Variants in CTNNA2 observed in about 807,000 individuals in gnomAD.
CTNNA2 encodes catenin alpha-2.
CTNNA2 carries 42 observed loss-of-function variants against 101.0 expected under a neutral mutation model. That is an observed-to-expected ratio of 0.42 (90% CI 0.32 to 0.54). The LOEUF is 0.54. Among genes scored for constraint, CTNNA2 ranks in the 20% least tolerant of loss-of-function variants. The pLI is 0.14. For synonymous variants in CTNNA2, 450 were observed against 456.4 expected (o/e 0.99, Z 0.18); for missense variants, 871 against 1,223.1 (o/e 0.71, Z 4.29).
chr2:79,455,908 C>T (rs904540573), intron 4 of CTNNA2, among the ~76,000 whole-genome samples: 2 of 151,996 alleles, frequency 1.3e-5, no homozygotes, highest in Non-Finnish European at 2.9e-5. Flanking sequence ...GGGATAATAT[C>T]CAGGACATTA....
intron 11 of CTNNA2, among the ~76,000 whole-genome samples, chr2:80,551,529 A>G (rs975178400): frequency 2.0e-5 from 3 of 152,244 alleles, no homozygotes; most frequent in Non-Finnish European, 2.9e-5. Context: ...GGTTCTATCT[A>G]CATCAGCACT....
chr2:80,350,379 A>G (rs1398806793), intron 7 of CTNNA2, among the ~76,000 whole-genome samples: 2 of 152,194 alleles, frequency 1.3e-5, no homozygotes, highest in Admixed American at 6.5e-5. Context: ...AAACTGTGCC[A>G]TCATTTAGAT....
intron 5 of CTNNA2, among the ~76,000 whole-genome samples, chr2:79,873,798 A>G (rs1207949646): frequency 6.6e-6 from 1 of 151,696 alleles, no homozygotes; most frequent in Non-Finnish European, 1.5e-5. Context: ...GCCACTTAAG[A>G]GGTTGAAGAG....
chr2:79,919,485 A>G (rs1686503362), intron 7 of CTNNA2, among the ~76,000 whole-genome samples: 2 of 152,178 alleles, frequency 1.3e-5, no homozygotes, highest in South Asian at 2.1e-4. Flanking sequence ...TGAGAGAGGA[A>G]AGGGCTTTCT....
chr2:79,669,870 C>T (rs192525394), intron 2 of CTNNA2, among the ~76,000 whole-genome samples: 30 of 152,266 alleles, frequency 2.0e-4, no homozygotes, highest in East Asian at 7.8e-4. Flanking sequence ...GGTCCATGGG[C>T]GGCCAGCAAG....
chr2:79,417,081 A>G (rs1221234566), intron 4 of CTNNA2, among the ~76,000 whole-genome samples: 1 of 152,104 alleles, frequency 6.6e-6, no homozygotes, highest in African/African-American at 2.4e-5. Context: ...AGTATACTCT[A>G]AGATCTTTAG....
At chr2:80,249,321 C>T (rs1391711119) in intron 7 of CTNNA2, among the ~76,000 whole-genome samples, 1 of 152,174 alleles carries the variant, frequency 6.6e-6, no homozygotes, top group African/African-American at 2.4e-5. Context: ...CTCAACATCA[C>T]TGAGCTTTTT....
At chr2:79,977,213 CAT>C (rs199844532) in intron 7 of CTNNA2, among the ~76,000 whole-genome samples, 2,454 of 134,846 alleles carry the variant, frequency 0.018, 55 homozygotes, top group African/African-American at 0.061. Flanking sequence ...CGTGCACATG[CAT>C]ATGCATGCAC....
chr2:80,428,567 A>G (rs896845977), intron 9 of CTNNA2, among the ~76,000 whole-genome samples: 1 of 152,176 alleles, frequency 6.6e-6, no homozygotes, highest in African/African-American at 2.4e-5. Context: ...TGACATAATC[A>G]GTTGAAACTT....
chr2:79,452,902 T>C (rs1352111406), intron 4 of CTNNA2, among the ~76,000 whole-genome samples: 1 of 152,136 alleles, frequency 6.6e-6, no homozygotes, highest in African/African-American at 2.4e-5. Flanking sequence ...AGTAATTAAG[T>C]AGTTTTTCAA....
At chr2:79,784,609 G>A (rs80112647) in intron 3 of CTNNA2, among the ~76,000 whole-genome samples, 4,279 of 151,694 alleles carry the variant, frequency 0.028, 81 homozygotes, top group Non-Finnish European at 0.039. Context: ...AATTTCTCAG[G>A]TTGTATTTGG....
chr2:80,034,352 T>C (rs1695508678), intron 7 of CTNNA2, among the ~76,000 whole-genome samples: 1 of 125,672 alleles, frequency 8.0e-6, no homozygotes, highest in African/African-American at 2.9e-5. Context: ...TCATTTTTTT[T>C]TCTTTTTTTT....
At chr2:80,432,940 G>T (rs1000534772) in intron 9 of CTNNA2, among the ~76,000 whole-genome samples, 1 of 152,096 alleles carries the variant, frequency 6.6e-6, no homozygotes, top group Non-Finnish European at 1.5e-5. Flanking sequence ...CAGCTTTTCT[G>T]TAAAATGTCA....
chr2:79,927,564 C>T (rs770249507), intron 7 of CTNNA2, among the ~76,000 whole-genome samples: 2 of 151,956 alleles, frequency 1.3e-5, no homozygotes, highest in African/African-American at 2.4e-5. Context: ...CAAAATATTG[C>T]CTTTCTCTTT....
At chr2:79,258,773 G>A (rs530265095) in intron 2 of CTNNA2, among the ~76,000 whole-genome samples, 57 of 148,106 alleles carry the variant, frequency 3.8e-4, no homozygotes, top group Admixed American at 6.2e-4. Flanking sequence ...ACATGGAAGG[G>A]GAACTTGTGC....
intron 3 of CTNNA2, among the ~76,000 whole-genome samples, chr2:79,814,352 A>G (rs374296516): frequency 6.6e-6 from 1 of 152,066 alleles, no homozygotes; most frequent in Non-Finnish European, 1.5e-5. Flanking sequence ...CCCAAGCAAT[A>G]TACACTGCAC....
intron 2 of CTNNA2, among the ~76,000 whole-genome samples, chr2:79,206,602 T>G (rs1674103716): frequency 6.6e-6 from 1 of 152,192 alleles, no homozygotes; most frequent in Non-Finnish European, 1.5e-5. Flanking sequence ...TGTAGCAACT[T>G]TGATATGAGT....
chr2:79,888,291 T>G (rs1684043313), intron 6 of CTNNA2, among the ~76,000 whole-genome samples: 1 of 152,296 alleles, frequency 6.6e-6, no homozygotes, highest in Admixed American at 6.5e-5. Context: ...GACAACATAG[T>G]CTTCACTGCT....
At chr2:79,600,197 A>T (rs1287922447) in intron 1 of CTNNA2, among the ~76,000 whole-genome samples, 1 of 150,922 alleles carries the variant, frequency 6.6e-6, no homozygotes, top group Non-Finnish European at 1.5e-5. Context: ...TATTTTTGAG[A>T]CTATGTCTTC....
Sources: allele counts gnomAD v4.1 joint callset (sites outside exome capture counted in the v4.1 genomes callset), GRCh38; gene constraint gnomAD v4.1.1; transcripts MANE v1.5; gene names NCBI Gene and HGNC (gene_info 2026-07-23, HGNC 2026-07-21).